The following FBXO40 variants were observed in gnomAD, a reference collection of about 807,000 sequenced individuals.
The protein encoded by FBXO40 is F-box only protein 40.
In FBXO40, 50 loss-of-function variants were observed where a neutral mutation model predicts 49.9. The ratio of observed to expected loss-of-function variants is 1.00; its 90% CI spans 0.80 to 1.27. FBXO40 has a LOEUF of 1.27. Among genes scored for constraint, FBXO40 ranks in the 50% most tolerant of loss-of-function variants. FBXO40 has a pLI of 0.00. For synonymous variants in FBXO40, 340 were observed against 320.2 expected, an observed-to-expected ratio of 1.06 and a Z score of -0.66; for missense variants, 895 against 870.1, an observed-to-expected ratio of 1.03 and a Z score of -0.36.
intron 1 of FBXO40, 63 bp from the exon 2 acceptor site, chr3:121,620,483 C>CTATTAA: frequency 6.9e-7 from 1 of 1,456,958 alleles, no homozygotes; most frequent in Non-Finnish European, 9.6e-7. Context: ...TCTTTAGCCT[C>CTATTAA]TATTAATATA....
chr3:121,627,768 T>A lies in FBXO40; in HGVS notation c.*858T>A. On this transcript the variant is annotated 3_prime_UTR_variant, in exon 4 of 4. Transcript: ENST00000338040. ...ATAGCCATGGCCCTGGGCCACCCTGTGCTATCTGAAATGACCTCAATACAC... is the reference window on the plus strand; with the variant it reads ...ATAGCCATGGCCCTGGGCCACCCTGAGCTATCTGAAATGACCTCAATACAC... 2.5e-6 allele frequency: 1 copy of A among 398,580 alleles called. No homozygotes were observed. The highest frequency in any genetic ancestry group is 4.4e-6 in the Non-Finnish European group (1 of 226,054). The allele number at this position is 398,580 out of a possible 1,614,324, so 24.7% of individuals were successfully genotyped here. A position where few individuals can be genotyped will look rare whatever the true frequency, so the allele number is the denominator to read the frequency against.
rs1329330910 is a variant in FBXO40, at chr3:121,622,144, GAGAGC to G, written c.717_721del (p.Ser240GlufsTer4). On this transcript the variant is annotated frameshift_variant, in exon 3 of 4. Coordinates refer to ENST00000338040, the MANE Select transcript of FBXO40 (RefSeq NM_016298.4). LOFTEE classifies it high-confidence loss of function. Reference sequence around the variant, plus strand: ...TTTAACAAATTCATCAGCGAGCTGTGAGAGCAAGAACAAGAATGACTCCGAGAAAG... The same window carrying G: ...TTTAACAAATTCATCAGCGAGCTGTGAAGAACAAGAATGACTCCGAGAAAG... 3 of 1,614,036 alleles carry G rather than the reference GAGAGC, an allele frequency of 1.9e-6. No individual in the cohort carries two copies. The East Asian group carries it at 6.7e-5, about 36-fold the overall frequency.
chr3:121,614,782 A>T (rs552442463), intron 1 of FBXO40, among the ~76,000 whole-genome samples: 4 of 152,180 alleles, frequency 2.6e-5, no homozygotes. Flanking sequence ...TGCTGCGCAG[A>T]CTGTTTTCCT....
chr3:121,599,224 T>C (rs1029166716), intron 1 of FBXO40, among the ~76,000 whole-genome samples: 1 of 152,052 alleles, frequency 6.6e-6, no homozygotes, highest in Admixed American at 6.6e-5. Context: ...TCCTAGCACG[T>C]TGGGAGGCCG....
At position 121,627,478 on chromosome 3, in the gene FBXO40, T is replaced by C. The variant is rs1212880385; in HGVS notation, c.*568T>C. 5.6e-6 allele frequency: 1 copy of C among 178,738 alleles called. No homozygotes were observed. The highest frequency in any genetic ancestry group is 1.5e-4 in the East Asian group (1 of 6,844). The allele number at this position is 178,738 out of a possible 1,614,324, so 11.1% of individuals were successfully genotyped here. On this transcript the variant is annotated 3_prime_UTR_variant, in exon 4 of 4. Transcript: ENST00000338040. ...AGGGTAGTCCTAACACAGCCTGACA[T>C]AGGAGAGCCCCTGGCTGAGCATGGC...
chr3:121,595,628 C>T (rs903960917), intron 1 of FBXO40, among the ~76,000 whole-genome samples: 1 of 152,108 alleles, frequency 6.6e-6, no homozygotes, highest in Non-Finnish European at 1.5e-5. Flanking sequence ...GTACTGGAAT[C>T]GCAGCGTCGA....
Position 121,601,930 on chromosome 3 carries a change from T to C in FBXO40, c.-31+8428T>C, listed in dbSNP as rs573989220. 6.6e-5 allele frequency among the ~76,000 whole-genome samples: 10 copies of C among 152,300 alleles called. 1 individual carries two copies. The South Asian group carries it at 2.1e-3, about 32-fold the overall frequency. ...CCCTGACAACAATGGAGTGTATGCT[T>C]AATAGCTTTTCCTTCCTCTACAAGC... On this transcript the variant is annotated intron_variant, in intron 1 of 3. Transcript: ENST00000338040.
intron 1 of FBXO40, among the ~76,000 whole-genome samples, chr3:121,597,273 C>A (rs750947830): frequency 4.6e-5 from 7 of 152,094 alleles, no homozygotes; most frequent in Non-Finnish European, 8.8e-5. Flanking sequence ...TTCAAGTTGT[C>A]TTTATGGCAT....
intron 1 of FBXO40, among the ~76,000 whole-genome samples, chr3:121,609,391 AATC>A (rs2048952443): frequency 6.6e-6 from 1 of 150,708 alleles, no homozygotes; most frequent in Non-Finnish European, 1.5e-5. Context: ...GCAATGAGCA[AATC>A]ATCTACATAC....
chr3:121,622,816 T>G lies in FBXO40; in HGVS notation c.1387T>G (p.Cys463Gly). Residue 463 changes from cysteine to glycine, a missense_variant, in exon 3 of 4, where the codon TGT (cysteine) becomes GGT (glycine). Coordinates refer to ENST00000338040, the MANE Select transcript of FBXO40 (RefSeq NM_016298.4). ...GGLHVELHSE[C>G]VTRRHNKSSS... ...ACTCCACGTGGAGCTCCACAGCGAG[T>G]GTGTGACCAGGAGACACAACAAAAG... 6.2e-7 allele frequency: 1 copy of G among 1,614,050 alleles called. No homozygotes were observed. Among genetic ancestry groups the G allele is most frequent in the Non-Finnish European group, 8.5e-7 (1 of 1,180,010 alleles).
At chr3:121,615,548 G>T (rs1224233031) in intron 1 of FBXO40, among the ~76,000 whole-genome samples, 1 of 136,028 alleles carries the variant, frequency 7.4e-6, no homozygotes, top group Non-Finnish European at 1.5e-5. Flanking sequence ...GAGCAACAGA[G>T]TGAGACTGTG....
At position 121,613,552 on chromosome 3, in the gene FBXO40, C is replaced by A. The variant is rs567415823; in HGVS notation, c.-30-6994C>A. 2.6e-5 allele frequency among the ~76,000 whole-genome samples: 4 copies of A among 152,274 alleles called. No individual in the cohort carries two copies. The East Asian group carries it at 7.7e-4, about 29-fold the overall frequency. ...AAAAGATGATCTTCTGATTAATAGA[C>A]AAGAGAAAACTGTTAAGAAAAAGTC... On this transcript the variant is annotated intron_variant, in intron 1 of 3. Coordinates refer to ENST00000338040, the MANE Select transcript of FBXO40 (RefSeq NM_016298.4).
At position 121,627,268 on chromosome 3, in the gene FBXO40, A is replaced by G. The variant is rs1416691998; in HGVS notation, c.*358A>G. On this transcript the variant is annotated 3_prime_UTR_variant, in exon 4 of 4. Transcript: ENST00000338040. ...GAGCACGAAATTCCATAACCAGTAC[A>G]GGCCTGTGCTTTTACATGGGCTTTT... 4.6e-6 allele frequency: 1 copy of G among 219,478 alleles called. No individual in the cohort carries two copies. Among genetic ancestry groups the G allele is most frequent in the Non-Finnish European group, 9.1e-6 (1 of 109,902 alleles). 13.6% of individuals were successfully genotyped at this position (219,478 alleles called of 1,614,324 possible).
chr3:121,616,634 ACT>A (rs746668681), intron 1 of FBXO40, among the ~76,000 whole-genome samples: 115 of 152,180 alleles, frequency 7.6e-4, no homozygotes, highest in Non-Finnish European at 1.6e-3. Context: ...AGTGTTTAAG[ACT>A]CTAACAAGCC....
At chr3:121,595,823 G>C (rs1165761158) in intron 1 of FBXO40, among the ~76,000 whole-genome samples, 2 of 152,168 alleles carry the variant, frequency 1.3e-5, no homozygotes, top group Non-Finnish European at 2.9e-5. Flanking sequence ...TTAATTGGCT[G>C]GTTAACAGGT....
At position 121,621,014 on chromosome 3, in the gene FBXO40, C is replaced by T. The variant is rs117813018; in HGVS notation, c.4-419C>T. Among the ~76,000 whole-genome samples, 335 of 152,238 alleles carry T rather than the reference C, an allele frequency of 2.2e-3. 9 individuals are homozygous for T. In the East Asian group the frequency reaches 0.051, roughly 23 times the overall value. On this transcript the variant is annotated intron_variant, in intron 2 of 3. Coordinates refer to ENST00000338040, the MANE Select transcript of FBXO40 (RefSeq NM_016298.4). ...CCCATATTCCGGAATGTTACACTGCCATTATGAAGAAAGTTTGTAAAGAAT... is the reference window on the plus strand; with the variant it reads ...CCCATATTCCGGAATGTTACACTGCTATTATGAAGAAAGTTTGTAAAGAAT...
At chr3:121,624,814 C>A (rs1470983856) in intron 3 of FBXO40, among the ~76,000 whole-genome samples, 1 of 152,108 alleles carries the variant, frequency 6.6e-6, no homozygotes, top group African/African-American at 2.4e-5. Context: ...GCTACTCACC[C>A]TGGATACTAC....
chr3:121,622,465 A>G lies in FBXO40; in HGVS notation c.1036A>G (p.Thr346Ala). Residue 346 changes from threonine to alanine, a missense_variant, in exon 3 of 4, where the codon ACT (threonine) becomes GCT (alanine). Coordinates refer to ENST00000338040, the MANE Select transcript of FBXO40 (RefSeq NM_016298.4). ...CAAGCTGGAGGCTCAGGAAGTTAAG[A>G]CTGTTTACACCTTCAAAGTTCCTGT... ...YGKLEAQEVKTVYTFKVPVSY... is the reference protein window; with the variant it reads ...YGKLEAQEVKAVYTFKVPVSY... 6.2e-7 allele frequency: 1 copy of G among 1,614,186 alleles called. No individual in the cohort carries two copies. Among genetic ancestry groups the G allele is most frequent in the Non-Finnish European group, 8.5e-7 (1 of 1,180,040 alleles).
At chr3:121,604,434 C>T (rs1238035171) in intron 1 of FBXO40, among the ~76,000 whole-genome samples, 2 of 152,204 alleles carry the variant, frequency 1.3e-5, no homozygotes, top group Admixed American at 6.5e-5. Context: ...AAACATGCAG[C>T]AACAATAAAA....
Sources: gnomAD v4.1 joint callset for allele counts (sites outside exome capture counted in the v4.1 genomes callset) on GRCh38, gnomAD v4.1.1 for gene constraint, MANE v1.5 for transcripts, NCBI Gene and HGNC (gene_info 2026-07-23, HGNC 2026-07-21) for gene names.